SPATA31D1: variants seen among roughly 807,000 people sequenced by gnomAD.
SPATA31D1 encodes the protein SPATA31 subfamily D member 1.
In SPATA31D1, 6 loss-of-function variants were observed where a neutral mutation model predicts 13.2. That is an observed-to-expected ratio of 0.46 (90% CI 0.25 to 0.90). The LOEUF (loss-of-function observed/expected upper bound fraction) is 0.90. Among genes scored for constraint, SPATA31D1 ranks in the 40% least tolerant of loss-of-function variants. The probability of loss-of-function intolerance (pLI) is 0.18; values close to 1 mark genes in which losing one functional copy is unlikely to be tolerated. For synonymous variants in SPATA31D1, 903 were observed against 718.8 expected (o/e 1.26, Z -4.10); for missense variants, 2,445 against 1,884.7 (o/e 1.30, Z -5.50).
In SPATA31D1 at chr9:81,992,408, C is replaced by G. The variant is rs1824991798; in HGVS notation, c.1938C>G (p.Ser646=). 6.2e-7 allele frequency: 1 copy of G among 1,613,536 alleles called. No individual in the cohort carries two copies. Among genetic ancestry groups the G allele is most frequent in the Non-Finnish European group, 8.5e-7 (1 of 1,179,730 alleles). ...LWGLPSVVQK[S]QEDFCPPAPN... ...GCTTACCCTCTGTGGTTCAAAAATC[C>G]CAGGAAGACTTTTGTCCTCCAGCTC... The change falls in exon 4 of 4, where the codon TCC becomes TCG. Residue 646 remains serine, a synonymous_variant. Coordinates refer to ENST00000344803, the MANE Select transcript of SPATA31D1 (RefSeq NM_001001670.3).
chr9:81,989,081 A>C, intron 1 of SPATA31D1, 77 bp downstream of exon 1: 2 of 1,561,654 alleles, frequency 1.3e-6, no homozygotes, highest in African/African-American at 2.7e-5. Flanking sequence ...TTTCTAAATA[A>C]GTTTGGTTGG....
At chr9:81,990,041 G>A in intron 2 of SPATA31D1, 2 of 569,598 alleles carry the variant, frequency 3.5e-6, no homozygotes, top group Non-Finnish European at 6.1e-6. Flanking sequence ...ATGGACCTGA[G>A]CAATGGGTGT....
chr9:81,989,070 A>T, intron 1 of SPATA31D1, 66 bp downstream of exon 1: 1 of 1,575,878 alleles, frequency 6.3e-7, no homozygotes, highest in Admixed American at 1.8e-5. Context: ...CTATTCCAAC[A>T]TTTCTAAATA....
rs183342985 is a variant in SPATA31D1, at chr9:81,992,660, A to T, written c.2190A>T (p.Gly730=). 1.2e-4 allele frequency: 191 copies of T among 1,613,746 alleles called. No homozygotes were observed. Among genetic ancestry groups the T allele is most frequent in the Middle Eastern group, 3.3e-4 (2 of 6,040 alleles). The stretch of plus-strand genomic sequence containing the variant: ...TATCTGTGTCAGAGAGAATTCATGG[A>T]CCGTTAAATATCTCTTTGGTTGAGG... ...SELSVSERIH[G]PLNISLVEGQ... is the part of the protein sequence containing the mutation. Residue 730 remains glycine (G), a synonymous_variant, in exon 4 of 4, where the codon GGA becomes GGT. Transcript: ENST00000344803.
In SPATA31D1 at chr9:81,991,025, A is replaced by G. The variant is rs1289848044; in HGVS notation, c.555A>G (p.Ile185Met). 8.1e-6 allele frequency: 13 copies of G among 1,613,446 alleles called. No homozygotes were observed. Among genetic ancestry groups the G allele is most frequent in the Non-Finnish European group, 1.0e-5 (12 of 1,179,672 alleles). Residue 185 changes from isoleucine to methionine, a missense_variant, in exon 4 of 4, where the codon ATA (isoleucine) becomes ATG (methionine). Transcript: ENST00000344803. ...TPSATPPEDL[I>M]LSPRPKASPP... ...CAGCAACCCCTCCAGAAGACCTAATACTGTCCCCTCGGCCTAAGGCCTCTC... is the reference window on the plus strand; with the variant it reads ...CAGCAACCCCTCCAGAAGACCTAATGCTGTCCCCTCGGCCTAAGGCCTCTC...
Position 81,992,998 on chromosome 9 carries a change from A to G in SPATA31D1, c.2528A>G (p.Glu843Gly). 6.2e-7 allele frequency: 1 copy of G among 1,613,774 alleles called. No individual in the cohort carries two copies. ...AGCAAGAAATTTGAGGAAATCAATG[A>G]GGGTCGAATGCCTGGGACTGTGCAT... ...RLSKKFEEIN[E>G]GRMPGTVHSS... The change falls in exon 4 of 4, where the codon GAG (glutamate) becomes GGG (glycine). Residue 843 changes from glutamate (E) to glycine (G), a missense_variant. Transcript: ENST00000344803.
In SPATA31D1 at chr9:81,992,610, C is replaced by T. The variant is rs756739364; in HGVS notation, c.2140C>T (p.Arg714Cys). Reference protein sequence around the residue: ...RRIHESLSLLRPQSKISELSV... With the variant: ...RRIHESLSLLCPQSKISELSV... ...AATCCATGAGTCTCTGTCATTGCTA[C>T]GTCCTCAGAGCAAAATTTCAGAGCT... The change falls in exon 4 of 4, where the codon CGT becomes TGT. Residue 714 changes from arginine (R) to cysteine (C), a missense_variant. Arg to Cys is a radical substitution (Grantham distance 180, BLOSUM62 -3). Transcript: ENST00000344803. 69 of 1,612,930 alleles carry T rather than the reference C, an allele frequency of 4.3e-5. No individual in the cohort carries two copies. Among genetic ancestry groups the T allele is most frequent in the Middle Eastern group, 1.8e-4 (1 of 5,444 alleles).
In SPATA31D1 at chr9:81,991,730, A is replaced by T. The variant is rs370534278; in HGVS notation, c.1260A>T (p.Lys420Asn). The change falls in exon 4 of 4, where the codon AAA (lysine) becomes AAT (asparagine). Residue 420 changes from lysine (K) to asparagine (N), a missense_variant. Physicochemically the swap from Lys to Asn is moderately conservative, Grantham distance 94. Coordinates refer to ENST00000344803, the MANE Select transcript of SPATA31D1 (RefSeq NM_001001670.3). ...TGGCACTCCTGGAGAGACAAGTCAA[A>T]AAAAGGGGTGATTTCCTGATGTGGA... ...DILALLERQV[K>N]KRGDFLMWKE... The T allele has an allele frequency of 1.9e-6, 3 of 1,613,736 alleles. No homozygotes were observed. The highest frequency in any genetic ancestry group is 2.5e-6 in the Non-Finnish European group (3 of 1,179,792).
rs138409860 is a variant in SPATA31D1, at chr9:81,992,778, G to A, written c.2308G>A (p.Gly770Arg). 2 of 1,613,790 alleles carry A rather than the reference G, an allele frequency of 1.2e-6. No individual in the cohort carries two copies. Among genetic ancestry groups the A allele is most frequent in the Non-Finnish European group, 1.7e-6 (2 of 1,179,724 alleles). Residue 770 changes from glycine to arginine, a missense_variant, in exon 4 of 4, where the codon GGG becomes AGG. Physicochemically the swap from Gly to Arg is moderately radical, Grantham distance 125. Transcript: ENST00000344803. ...AAATATGCTTTCCATGGAGAATGTG[G>A]GGAATTATCAGGGATACAGCCAGGA... ...SSNMLSMENVGNYQGYSQETV... is the reference protein window; with the variant it reads ...SSNMLSMENVRNYQGYSQETV...
rs371509995 is a variant in SPATA31D1, at chr9:81,990,941, C to G, written c.471C>G (p.Ser157=). 1 of 1,613,878 alleles carries G rather than the reference C, an allele frequency of 6.2e-7. No homozygotes were observed. Among genetic ancestry groups the G allele is most frequent in the Admixed American group, 1.7e-5 (1 of 60,006 alleles). Residue 157 remains serine, a synonymous_variant, in exon 4 of 4, where the codon TCC becomes TCG. Coordinates refer to ENST00000344803, the MANE Select transcript of SPATA31D1 (RefSeq NM_001001670.3). ...ESLKDAAPSV[S]PLASSASATE... is the part of the protein sequence containing the mutation. ...TGAAAGATGCTGCTCCCTCTGTGTC[C>G]CCTTTGGCTTCTTCGGCTTCTGCGA...
At position 81,993,624 on chromosome 9, in the gene SPATA31D1, G is replaced by A. The variant is rs374171958; in HGVS notation, c.3154G>A (p.Val1052Ile). ...CCCCATCCTCGGTCATTCTTACCTT[G>A]TCACTTCACCTGTCAACCAAGAAAA... is the stretch of plus-strand genomic sequence containing the variant. ...SFPILGHSYL[V>I]TSPVNQEKQG... Residue 1052 changes from valine to isoleucine, a missense_variant, in exon 4 of 4, where the codon GTC becomes ATC. Val to Ile is a conservative substitution (Grantham distance 29, BLOSUM62 3). Coordinates refer to ENST00000344803, the MANE Select transcript of SPATA31D1 (RefSeq NM_001001670.3). 2.5e-5 allele frequency: 41 copies of A among 1,613,842 alleles called. No individual in the cohort carries two copies. The East Asian group carries it at 3.1e-4, about 12-fold the overall frequency.
intron 2 of SPATA31D1, 39 bp from the exon 3 acceptor site, chr9:81,990,378 G>A (rs10118455): frequency 0.074 from 109,858 of 1,485,582 alleles, 4,555 homozygotes; most frequent in African/African-American, 0.11. Flanking sequence ...TGTATGAGCC[G>A]TGTGCCTCTA....
At chr9:81,988,039 C>G (rs1166680284), upstream of SPATA31D1, among the ~76,000 whole-genome samples, 1 of 152,204 alleles carries the variant, frequency 6.6e-6, no homozygotes, top group Non-Finnish European at 1.5e-5. Context: ...TTTCCTTCCA[C>G]CAATCAACTA....
chr9:81,988,973 C>T lies in SPATA31D1; in HGVS notation c.155C>T (p.Ser52Leu). Residue 52 changes from serine (S) to leucine (L), a missense_variant, in exon 1 of 4, where the codon TCA becomes TTA. Ser to Leu is a moderately radical substitution (Grantham distance 145). Transcript: ENST00000344803. ...TACGTGGTATTGACCCTGTATTCGT[C>T]ACCCACCGAAAAAAATAATGACATC... The part of the protein sequence containing the change: ...LFYVVLTLYS[S>L]PTEKNNDIQK... The T allele has an allele frequency of 6.2e-7, 1 of 1,611,702 alleles. No individual in the cohort carries two copies. The highest frequency in any genetic ancestry group is 8.5e-7 in the Non-Finnish European group (1 of 1,179,674).
upstream of SPATA31D1, among the ~76,000 whole-genome samples, chr9:81,988,397 T>TA (rs1824890603): frequency 6.6e-6 from 1 of 152,158 alleles, no homozygotes; most frequent in Non-Finnish European, 1.5e-5. Flanking sequence ...TTTGAGGACA[T>TA]ATGTGATCCT....
chr9:81,990,137 G>T, intron 2 of SPATA31D1: 1 of 521,836 alleles, frequency 1.9e-6, no homozygotes, highest in East Asian at 3.1e-5. Context: ...CTTTGCATAC[G>T]TACTTTGACT....
Position 81,994,030 on chromosome 9 carries a change from C to G in SPATA31D1, c.3560C>G (p.Pro1187Arg), listed in dbSNP as rs1825040654. 1 of 1,613,650 alleles carries G rather than the reference C, an allele frequency of 6.2e-7. No homozygotes were observed. The highest frequency in any genetic ancestry group is 1.3e-5 in the African/African-American group (1 of 74,898). Residue 1187 changes from proline (P) to arginine (R), a missense_variant, in exon 4 of 4, where the codon CCA becomes CGA. Coordinates refer to ENST00000344803, the MANE Select transcript of SPATA31D1 (RefSeq NM_001001670.3). Reference protein sequence around the residue: ...STSNETEIFPPRISVPQDPKS... With the variant: ...STSNETEIFPRRISVPQDPKS... ...TCCAATGAAACTGAAATTTTCCCAC[C>G]AAGAATATCAGTTCCTCAAGATCCT... is the stretch of plus-strand genomic sequence containing the variant.
chr9:81,991,121 G>C lies in SPATA31D1; in HGVS notation c.651G>C (p.Leu217=), dbSNP rs745318325. 130 of 1,613,400 alleles carry C rather than the reference G, an allele frequency of 8.1e-5. No homozygotes were observed. Among genetic ancestry groups the C allele is most frequent in the Non-Finnish European group, 9.9e-5 (117 of 1,179,696 alleles). Residue 217 remains leucine, a synonymous_variant, in exon 4 of 4, where the codon CTG becomes CTC. Transcript: ENST00000344803. ...CTGACTTATTTTCACCCTCACCACT[G>C]AGGGACCCTCTGCCACCACAGCCTG... The part of the protein sequence containing the change: ...TLADLFSPSP[L]RDPLPPQPVS...
chr9:81,995,136 T>C lies in SPATA31D1; in HGVS notation c.4666T>C (p.Phe1556Leu). The change falls in exon 4 of 4, where the codon TTC (phenylalanine) becomes CTC (leucine). Residue 1556 changes from phenylalanine (F) to leucine (L), a missense_variant. Coordinates refer to ENST00000344803, the MANE Select transcript of SPATA31D1 (RefSeq NM_001001670.3). ...AAGCCCTGTGTTTAGTGATGTGCCT[T>C]TCCTAACTGGACAGAAAATGCTTCC... Reference protein sequence around the residue: ...AKSPVFSDVPFLTGQKMLPKH... With the variant: ...AKSPVFSDVPLLTGQKMLPKH... 1 of 1,597,432 alleles carries C rather than the reference T, an allele frequency of 6.3e-7. No homozygotes were observed.
Sources: allele counts gnomAD v4.1 joint callset (sites outside exome capture counted in the v4.1 genomes callset), GRCh38; gene constraint gnomAD v4.1.1; transcripts MANE v1.5; gene names NCBI Gene and HGNC (gene_info 2026-07-23, HGNC 2026-07-21).